NEGR1: variants seen among roughly 807,000 people sequenced by gnomAD.
NEGR1 encodes IgLON family member 4.
Under a neutral mutation model 40.9 loss-of-function variants are expected in NEGR1, and 10 were observed. That is an observed-to-expected ratio of 0.24 (90% CI 0.15 to 0.42). NEGR1 has a LOEUF of 0.42. NEGR1 is among the 10% of genes least tolerant of loss of function. The pLI is 1.00. For synonymous variants in NEGR1, 185 were observed against 166.8 expected (o/e 1.11, Z -0.84); for missense variants, 352 against 438.9 (o/e 0.80, Z 1.77).
At chr1:72,265,415 C>A (rs987285189) in intron 1 of NEGR1, among the ~76,000 whole-genome samples, 9 of 150,848 alleles carry the variant, frequency 6.0e-5, no homozygotes, top group Non-Finnish European at 7.4e-5. Flanking sequence ...AGAAAAATAA[C>A]TGAAATGTAA....
intron 1 of NEGR1, among the ~76,000 whole-genome samples, chr1:72,035,733 A>G (rs1646896466): frequency 6.6e-6 from 1 of 152,230 alleles, no homozygotes. Context: ...ATGTCTATGC[A>G]GCAGATCTTG....
At position 72,043,287 on chromosome 1, in the gene NEGR1, A is replaced by G. The variant is rs565760906; in HGVS notation, c.177-107976T>C. Among the ~76,000 whole-genome samples, 3 of 152,018 alleles carry G rather than the reference A, an allele frequency of 2.0e-5. No individual in the cohort carries two copies. In the East Asian group the frequency reaches 5.8e-4, roughly 29 times the overall value. On this transcript the variant is annotated intron_variant, in intron 1 of 6. Transcript: ENST00000357731. ...CTTTTTCCTCTTCTAGATTTCTAATACTTTTGTAAATCATTTCCTTTATCA... is the reference window on the plus strand; with the variant it reads ...CTTTTTCCTCTTCTAGATTTCTAATGCTTTTGTAAATCATTTCCTTTATCA...
At chr1:71,553,321 C>A (rs28524640) in intron 6 of NEGR1, among the ~76,000 whole-genome samples, 7,028 of 151,568 alleles carry the variant, frequency 0.046, 555 homozygotes, top group African/African-American at 0.16. Context: ...AATTGCTGAA[C>A]CTGAAATCTC....
chr1:72,114,161 G>T (rs187218898), intron 1 of NEGR1, among the ~76,000 whole-genome samples: 1 of 151,714 alleles, frequency 6.6e-6, no homozygotes, highest in African/African-American at 2.4e-5. Context: ...ATGTTTCTCT[G>T]AGGGTATTTT....
intron 2 of NEGR1, among the ~76,000 whole-genome samples, chr1:71,847,886 C>T (rs980330543): frequency 2.0e-5 from 3 of 152,160 alleles, no homozygotes; most frequent in African/African-American, 7.2e-5. Context: ...GAAACCTAGG[C>T]CTCTTGCACC....
intron 6 of NEGR1, among the ~76,000 whole-genome samples, chr1:71,481,421 G>C (rs1415517107): frequency 6.6e-6 from 1 of 151,842 alleles, no homozygotes; most frequent in Non-Finnish European, 1.5e-5. Flanking sequence ...CCACCCTTCT[G>C]TTGGCTTTGT....
At chr1:72,010,991 AG>A (rs139352624) in intron 1 of NEGR1, among the ~76,000 whole-genome samples, 14,997 of 152,252 alleles carry the variant, frequency 0.099, 821 homozygotes, top group Middle Eastern at 0.18. Context: ...GGAAATTGAA[AG>A]GTGATGCCAT....
chr1:71,454,839 T>G (rs2101334362), intron 6 of NEGR1, among the ~76,000 whole-genome samples: 1 of 152,336 alleles, frequency 6.6e-6, no homozygotes, highest in South Asian at 2.1e-4. Context: ...TATAAACTAC[T>G]ATAGTGGACA....
At chr1:72,003,209 C>T (rs1284825822) in intron 1 of NEGR1, among the ~76,000 whole-genome samples, 1 of 151,062 alleles carries the variant, frequency 6.6e-6, no homozygotes, top group African/African-American at 2.4e-5. Flanking sequence ...GCTTTTAAGC[C>T]CTATCTGAGT....
At chr1:71,822,554 C>T (rs1300895752) in intron 2 of NEGR1, among the ~76,000 whole-genome samples, 3 of 151,982 alleles carry the variant, frequency 2.0e-5, no homozygotes, top group African/African-American at 7.2e-5. Context: ...CAGTGTCCAA[C>T]TGCCCCCAAC....
intron 1 of NEGR1, among the ~76,000 whole-genome samples, chr1:72,137,462 G>A (rs1650511230): frequency 6.6e-6 from 1 of 151,980 alleles, no homozygotes; most frequent in African/African-American, 2.4e-5. Context: ...GAATGAAACT[G>A]GAAACCATCA....
chr1:71,541,333 A>G (rs560611905), intron 6 of NEGR1, among the ~76,000 whole-genome samples: 7 of 151,758 alleles, frequency 4.6e-5, no homozygotes, highest in Non-Finnish European at 8.8e-5. Context: ...GACATAATAG[A>G]AGAAAGCCCT....
chr1:72,053,400 A>G (rs535442417), intron 1 of NEGR1, among the ~76,000 whole-genome samples: 1 of 151,176 alleles, frequency 6.6e-6, no homozygotes, highest in South Asian at 2.1e-4. Flanking sequence ...TCACCTTTAA[A>G]TTACAAAAAT....
At chr1:72,144,522 A>C (rs1359136052) in intron 1 of NEGR1, among the ~76,000 whole-genome samples, 1 of 132,424 alleles carries the variant, frequency 7.6e-6, no homozygotes, top group Non-Finnish European at 1.8e-5. Flanking sequence ...TAATATGTGC[A>C]TGGAGCATAC....
chr1:71,829,297 G>A (rs1452241659), intron 2 of NEGR1, among the ~76,000 whole-genome samples: 1 of 151,710 alleles, frequency 6.6e-6, no homozygotes, highest in Non-Finnish European at 1.5e-5. Context: ...ACAGATATTG[G>A]TTCCAGCATA....
At chr1:71,718,774 A>G (rs1654359694) in intron 3 of NEGR1, among the ~76,000 whole-genome samples, 1 of 152,200 alleles carries the variant, frequency 6.6e-6, no homozygotes, top group Non-Finnish European at 1.5e-5. Context: ...AAAAATAATC[A>G]AATCAGTAAT....
chr1:71,778,576 C>T (rs1656590968), intron 2 of NEGR1, among the ~76,000 whole-genome samples: 1 of 152,114 alleles, frequency 6.6e-6, no homozygotes, highest in Non-Finnish European at 1.5e-5. Flanking sequence ...ACATACAGTG[C>T]ATAGCAGTGC....
chr1:72,095,480 CT>C (rs1339869483), intron 1 of NEGR1, among the ~76,000 whole-genome samples: 15 of 151,936 alleles, frequency 9.9e-5, no homozygotes, highest in African/African-American at 3.6e-4. Context: ...TGATATATTT[CT>C]CTTGAATGCC....
At chr1:71,962,544 C>T (rs950182654) in intron 1 of NEGR1, among the ~76,000 whole-genome samples, 4 of 151,956 alleles carry the variant, frequency 2.6e-5, no homozygotes, top group African/African-American at 9.7e-5. Context: ...AATGATATTA[C>T]ATTATAATGA....
Sources: allele counts gnomAD v4.1 joint callset (sites outside exome capture counted in the v4.1 genomes callset), GRCh38; gene constraint gnomAD v4.1.1; transcripts MANE v1.5; gene names NCBI Gene and HGNC (gene_info 2026-07-23, HGNC 2026-07-21).